Variants in EXOC6B observed in about 807,000 individuals in gnomAD.
EXOC6B encodes SEC15 homolog B.
EXOC6B carries 54 observed loss-of-function variants against 113.5 expected under a neutral mutation model. That is an observed-to-expected ratio of 0.48 (90% CI 0.38 to 0.60). EXOC6B has a LOEUF of 0.60. Ranked by LOEUF, EXOC6B falls within the 20% of genes least tolerant of loss-of-function variation. The pLI is 0.00. For synonymous variants in EXOC6B, 357 were observed against 339.0 expected (o/e 1.05, Z -0.58); for missense variants, 797 against 977.5 (o/e 0.82, Z 2.46).
At chr2:72,313,040 C>T (rs1245991319) in intron 20 of EXOC6B, among the ~76,000 whole-genome samples, 1 of 151,804 alleles carries the variant, frequency 6.6e-6, no homozygotes, top group African/African-American at 2.4e-5. Flanking sequence ...TCTGGTGTCT[C>T]GATGAGGGGG....
intron 6 of EXOC6B, among the ~76,000 whole-genome samples, chr2:72,667,753 C>G (rs935254528): frequency 1.3e-5 from 2 of 152,144 alleles, no homozygotes; most frequent in African/African-American, 4.8e-5. Flanking sequence ...AAATGTAAGA[C>G]CTCAAACTAC....
intron 6 of EXOC6B, among the ~76,000 whole-genome samples, chr2:72,693,834 T>C (rs953847287): frequency 1.3e-5 from 2 of 152,012 alleles, no homozygotes; most frequent in Non-Finnish European, 2.9e-5. Flanking sequence ...CAAACTTTTC[T>C]TCCTTTTTTC....
At chr2:72,775,421 G>A (rs1188208419) in intron 1 of EXOC6B, among the ~76,000 whole-genome samples, 1 of 152,166 alleles carries the variant, frequency 6.6e-6, no homozygotes, top group Non-Finnish European at 1.5e-5. Context: ...CTTCTCACTT[G>A]AGAAATTCCA....
At chr2:72,592,449 T>A (rs756086227) in intron 6 of EXOC6B, among the ~76,000 whole-genome samples, 2 of 152,096 alleles carry the variant, frequency 1.3e-5, no homozygotes, top group Non-Finnish European at 2.9e-5. Flanking sequence ...AGACTGACTG[T>A]CCCTTGCAGG....
intron 6 of EXOC6B, among the ~76,000 whole-genome samples, chr2:72,601,558 T>C (rs1182589214): frequency 3.9e-5 from 6 of 152,186 alleles, no homozygotes; most frequent in Non-Finnish European, 8.8e-5. Context: ...ACCTCATTCA[T>C]TGCTGGTGGG....
intron 6 of EXOC6B, among the ~76,000 whole-genome samples, chr2:72,622,940 T>A (rs1000605452): frequency 2.0e-5 from 3 of 152,152 alleles, no homozygotes; most frequent in African/African-American, 7.2e-5. Context: ...TAGTATCTAC[T>A]ACAGCCGAAC....
chr2:72,771,664 CTACTT>C (rs1189336849), intron 1 of EXOC6B, among the ~76,000 whole-genome samples: 3 of 152,002 alleles, frequency 2.0e-5, no homozygotes, highest in East Asian at 3.9e-4. Flanking sequence ...GGACAAAAGA[CTACTT>C]TACATTATTA....
At chr2:72,486,105 C>T (rs1699406443) in intron 16 of EXOC6B, among the ~76,000 whole-genome samples, 1 of 152,222 alleles carries the variant, frequency 6.6e-6, no homozygotes, top group Non-Finnish European at 1.5e-5. Flanking sequence ...CGCAGTGGCT[C>T]ATGCCTGTAA....
chr2:72,511,130 T>C (rs1245872194), intron 11 of EXOC6B, among the ~76,000 whole-genome samples: 1 of 152,100 alleles, frequency 6.6e-6, no homozygotes, highest in Non-Finnish European at 1.5e-5. Context: ...TTCTGTATAC[T>C]ATAACAAAAA....
chr2:72,724,281 C>T (rs1177966630), intron 5 of EXOC6B, among the ~76,000 whole-genome samples: 3 of 152,140 alleles, frequency 2.0e-5, no homozygotes, highest in African/African-American at 4.8e-5. Context: ...GATAAACATT[C>T]AAACTCTGAA....
intron 18 of EXOC6B, among the ~76,000 whole-genome samples, chr2:72,441,022 G>A (rs1051285140): frequency 6.6e-6 from 1 of 152,154 alleles, no homozygotes; most frequent in Non-Finnish European, 1.5e-5. Context: ...TTGCATTATA[G>A]TGTAACTGGT....
At chr2:72,653,055 G>A (rs1674310088) in intron 6 of EXOC6B, among the ~76,000 whole-genome samples, 1 of 151,732 alleles carries the variant, frequency 6.6e-6, no homozygotes, top group Non-Finnish European at 1.5e-5. Context: ...AAAGCAATAT[G>A]TTAGAGCAGG....
intron 20 of EXOC6B, among the ~76,000 whole-genome samples, chr2:72,280,772 T>C (rs1685082083): frequency 6.6e-6 from 1 of 152,002 alleles, no homozygotes; most frequent in Admixed American, 6.6e-5. Flanking sequence ...CTGAGATGAA[T>C]ACAAAATGCC....
At chr2:72,409,552 T>C (rs1243535575) in intron 18 of EXOC6B, among the ~76,000 whole-genome samples, 1 of 152,012 alleles carries the variant, frequency 6.6e-6, no homozygotes, top group African/African-American at 2.4e-5. Context: ...AAATGATGAG[T>C]TCATGTCCTT....
chr2:72,245,412 A>C lies in EXOC6B; in HGVS notation c.2197-61225T>G, dbSNP rs543897127. ...TCTTTTCAGCAAAAGTTCCTGGAAC[A>C]ACTGGACATCACCCCACATGTATGG... On this transcript the variant is annotated intron_variant, in intron 20 of 21. Transcript: ENST00000272427. 4.4e-3 allele frequency among the ~76,000 whole-genome samples: 496 copies of C among 113,610 alleles called. 2 individuals carry two copies. The highest frequency in any genetic ancestry group is 0.035 in the African/African-American group (470 of 13,364). The allele number at this position is 113,610 out of a possible 152,430, so 74.5% of individuals were successfully genotyped here.
At chr2:72,693,202 A>G (rs1558923694) in intron 6 of EXOC6B, among the ~76,000 whole-genome samples, 1 of 152,144 alleles carries the variant, frequency 6.6e-6, no homozygotes, top group African/African-American at 2.4e-5. Flanking sequence ...AATATAACAC[A>G]TCTCAGAAAA....
At chr2:72,207,989 T>C (rs999914465) in intron 20 of EXOC6B, among the ~76,000 whole-genome samples, 3 of 152,194 alleles carry the variant, frequency 2.0e-5, no homozygotes, top group Non-Finnish European at 4.4e-5. Flanking sequence ...ACCTAACTTA[T>C]TGGCTATGCA....
chr2:72,228,452 G>A (rs1294774421), intron 20 of EXOC6B, among the ~76,000 whole-genome samples: 1 of 141,858 alleles, frequency 7.0e-6, no homozygotes, highest in African/African-American at 2.6e-5. Flanking sequence ...AGTGTGTGAT[G>A]TTCCCCTTCC....
At chr2:72,816,431 CTATT>C (rs1233490121) in intron 1 of EXOC6B, among the ~76,000 whole-genome samples, 3 of 152,042 alleles carry the variant, frequency 2.0e-5, no homozygotes, top group Admixed American at 6.6e-5. Context: ...TACAATAACA[CTATT>C]TATTTTGTAA....
Sources: allele counts gnomAD v4.1 joint callset (sites outside exome capture counted in the v4.1 genomes callset), GRCh38; gene constraint gnomAD v4.1.1; transcripts MANE v1.5; gene names NCBI Gene and HGNC (gene_info 2026-07-23, HGNC 2026-07-21).